The following DLGAP2 variants were observed in gnomAD, a reference collection of about 807,000 sequenced individuals.
DLGAP2 encodes the protein DLG associated protein 2, also known as disks large-associated protein 2.
DLGAP2 carries 26 observed loss-of-function variants against 100.3 expected under a neutral mutation model. The ratio of observed to expected loss-of-function variants is 0.26; its 90% CI spans 0.19 to 0.36. The LOEUF (loss-of-function observed/expected upper bound fraction) is 0.36, where lower values mean the gene tolerates loss of function less well. Ranked by LOEUF, DLGAP2 falls within the 10% of genes least tolerant of loss-of-function variation. DLGAP2 has a pLI of 1.00. For missense variants in DLGAP2, 1,858 were observed against 1,453.2 expected, an observed-to-expected ratio of 1.28 and a Z score of -4.53; for synonymous variants, 886 against 630.1, an observed-to-expected ratio of 1.41 and a Z score of -6.08.
At chr8:965,299 G>T (rs7011782) in intron 2 of DLGAP2, among the ~76,000 whole-genome samples, 3 of 116,638 alleles carry the variant, frequency 2.6e-5, no homozygotes, top group Non-Finnish European at 5.0e-5. Flanking sequence ...TCACCACACA[G>T]GGCTCCTGAG....
chr8:1,068,843 T>C (rs985315113), intron 2 of DLGAP2, among the ~76,000 whole-genome samples: 1 of 152,136 alleles, frequency 6.6e-6, no homozygotes, highest in Non-Finnish European at 1.5e-5. Flanking sequence ...ATCCTCTCCC[T>C]GAGCTTGTTT....
chr8:800,040 A>G (rs954242399), intron 1 of DLGAP2, among the ~76,000 whole-genome samples: 1 of 151,968 alleles, frequency 6.6e-6, no homozygotes, highest in Non-Finnish European at 1.5e-5. Context: ...ATGTTTCTGG[A>G]TGTCCTTTTA....
chr8:806,455 A>T (rs987449030), intron 1 of DLGAP2, among the ~76,000 whole-genome samples: 2 of 152,182 alleles, frequency 1.3e-5, no homozygotes, highest in South Asian at 4.1e-4. Flanking sequence ...GCACCTGGAG[A>T]ATTGGCAAAT....
chr8:962,790 C>G (rs1799757662), intron 2 of DLGAP2, among the ~76,000 whole-genome samples: 1 of 152,172 alleles, frequency 6.6e-6, no homozygotes, highest in South Asian at 2.1e-4. Flanking sequence ...GCCCTCAGCA[C>G]CCAGGCGCAG....
At chr8:1,298,348 C>T (rs1012069647) in intron 3 of DLGAP2, among the ~76,000 whole-genome samples, 28 of 152,298 alleles carry the variant, frequency 1.8e-4, no homozygotes, top group Non-Finnish European at 2.9e-4. Flanking sequence ...CTACAGAGGC[C>T]GCGTCCTTCC....
chr8:787,004 C>T (rs1585862391), intron 1 of DLGAP2, among the ~76,000 whole-genome samples: 1 of 152,072 alleles, frequency 6.6e-6, no homozygotes, highest in Non-Finnish European at 1.5e-5. Flanking sequence ...AGGAACAAGA[C>T]CTTTCTCTTT....
intron 10 of DLGAP2, among the ~76,000 whole-genome samples, chr8:1,675,605 C>G (rs1376652874): frequency 2.6e-5 from 4 of 152,164 alleles, no homozygotes; most frequent in Non-Finnish European, 4.4e-5. Flanking sequence ...GGGACAGGGT[C>G]AGAAATATTT....
At chr8:927,057 G>T in intron 2 of DLGAP2, 3 of 985,444 alleles carry the variant, frequency 3.0e-6, no homozygotes, top group Non-Finnish European at 3.6e-6. Flanking sequence ...TGGAGGAGCC[G>T]ATGTGGGAGA....
chr8:1,230,248 C>A (rs1191587432), intron 2 of DLGAP2, among the ~76,000 whole-genome samples: 2 of 152,136 alleles, frequency 1.3e-5, no homozygotes, highest in East Asian at 3.9e-4. Context: ...AAATCAAGAA[C>A]GCTATCCTAT....
intron 2 of DLGAP2, among the ~76,000 whole-genome samples, chr8:1,253,350 C>A (rs7006605): frequency 0.066 from 10,081 of 152,228 alleles, 857 homozygotes; most frequent in African/African-American, 0.19. Context: ...GCTGCTACTG[C>A]GCACCCCTCC....
chr8:1,696,063 A>G (rs772304101), intron 13 of DLGAP2, among the ~76,000 whole-genome samples: 192 of 152,316 alleles, frequency 1.3e-3, no homozygotes, highest in Non-Finnish European at 1.7e-3. Context: ...TCCGTTCAGC[A>G]TGCTCTTCAC....
At chr8:1,610,003 C>G (rs1011050554) in intron 6 of DLGAP2, among the ~76,000 whole-genome samples, 3 of 151,512 alleles carry the variant, frequency 2.0e-5, no homozygotes, top group Non-Finnish European at 4.4e-5. Flanking sequence ...AACAAGGATA[C>G]CCAGGAATTG....
At chr8:1,683,197 A>G (rs1002669633) in intron 12 of DLGAP2, among the ~76,000 whole-genome samples, 7 of 151,712 alleles carry the variant, frequency 4.6e-5, no homozygotes, top group Admixed American at 1.3e-4. Context: ...GGTCTCAGCA[A>G]TGCTTTCACC....
intron 2 of DLGAP2, among the ~76,000 whole-genome samples, chr8:1,022,941 C>G (rs1195844784): frequency 6.6e-6 from 1 of 152,204 alleles, no homozygotes; most frequent in Non-Finnish European, 1.5e-5. Context: ...CAATCTTGAT[C>G]TGAATCTTAG....
chr8:1,266,425 C>T (rs1262093214), intron 3 of DLGAP2, among the ~76,000 whole-genome samples: 1 of 152,168 alleles, frequency 6.6e-6, no homozygotes, highest in African/African-American at 2.4e-5. Context: ...TCCCGGGGTC[C>T]TCAGAAGCTC....
intron 2 of DLGAP2, among the ~76,000 whole-genome samples, chr8:939,966 G>A (rs1176675450): frequency 3.9e-5 from 6 of 151,922 alleles, no homozygotes; most frequent in South Asian, 4.2e-4. Flanking sequence ...TCCTGAGAGC[G>A]CACACCAGGC....
At chr8:1,558,362 C>T (rs1287827308) in intron 5 of DLGAP2, among the ~76,000 whole-genome samples, 4 of 152,164 alleles carry the variant, frequency 2.6e-5, no homozygotes, top group Non-Finnish European at 5.9e-5. Context: ...ACTCACAGCC[C>T]CAGAAGAGAG....
chr8:843,226 C>T (rs989216344), intron 1 of DLGAP2, among the ~76,000 whole-genome samples: 2 of 152,190 alleles, frequency 1.3e-5, no homozygotes, highest in African/African-American at 2.4e-5. Flanking sequence ...TCCCTTCTGT[C>T]GTTTTCATGT....
chr8:1,269,317 G>C (rs1394576093), intron 3 of DLGAP2, among the ~76,000 whole-genome samples: 1 of 152,190 alleles, frequency 6.6e-6, no homozygotes, highest in African/African-American at 2.4e-5. Flanking sequence ...GCCTGCAGAG[G>C]CTCCTGGTAC....
Sources: gnomAD v4.1 joint callset for allele counts (sites outside exome capture counted in the v4.1 genomes callset) on GRCh38, gnomAD v4.1.1 for gene constraint, MANE v1.5 for transcripts, NCBI Gene and HGNC (gene_info 2026-07-23, HGNC 2026-07-21) for gene names.